Variants in SERPINE2 observed in about 807,000 individuals in gnomAD.
The protein encoded by SERPINE2 is glia-derived nexin.
A neutral mutation model predicts 36.3 loss-of-function variants in SERPINE2; 14 were observed. That is an observed-to-expected ratio of 0.39 (90% CI 0.25 to 0.60). The LOEUF (loss-of-function observed/expected upper bound fraction) is 0.60, where lower values mean the gene tolerates loss of function less well. Among genes scored for constraint, SERPINE2 ranks in the 20% least tolerant of loss-of-function variants. SERPINE2 has a pLI of 0.57. For synonymous variants in SERPINE2, 192 were observed against 191.8 expected (o/e 1.00, Z -0.01); for missense variants, 418 against 499.6 (o/e 0.84, Z 1.56).
intron 2 of SERPINE2, among the ~76,000 whole-genome samples, chr2:223,998,973 C>T (rs1691001172): frequency 6.6e-6 from 1 of 152,208 alleles, no homozygotes; most frequent in African/African-American, 2.4e-5. Flanking sequence ...TGGCACAGTC[C>T]TCAGTTCTAT....
chr2:224,007,234 T>TTC (rs1221771936), intron 1 of SERPINE2, among the ~76,000 whole-genome samples: 5 of 152,206 alleles, frequency 3.3e-5, no homozygotes, highest in Admixed American at 6.5e-5. Context: ...CTGGGTCCAT[T>TTC]CATAGCTGGA....
chr2:224,020,005 TG>T (rs1234632271), intron 1 of SERPINE2, among the ~76,000 whole-genome samples: 1 of 152,198 alleles, frequency 6.6e-6, no homozygotes, highest in Admixed American at 6.5e-5. Flanking sequence ...CACCCCTGGT[TG>T]GCAACCACTA....
rs1449118997 is a variant in SERPINE2 at position 223,993,002 on chromosome 2, G to A, written c.488-1002C>T. Reference sequence around the variant, plus strand: ...CAGCTGGGTATGGTGGCATGCACCTGTAATCCCAGCTACTTGGGAGGCTGA... The same window carrying A: ...CAGCTGGGTATGGTGGCATGCACCTATAATCCCAGCTACTTGGGAGGCTGA... On this transcript the variant is annotated intron_variant, in intron 3 of 8. Coordinates refer to ENST00000409304, the MANE Select transcript of SERPINE2 (RefSeq NM_001136528.2). Among the ~76,000 whole-genome samples the A allele has an allele frequency of 4.6e-5, 7 of 152,252 alleles. No individual in the cohort carries two copies. In the South Asian group the frequency reaches 6.2e-4, roughly 14 times the overall value.
intron 4 of SERPINE2, among the ~76,000 whole-genome samples, chr2:223,988,207 T>C (rs1690515684): frequency 6.6e-6 from 1 of 152,146 alleles, no homozygotes; most frequent in Non-Finnish European, 1.5e-5. Flanking sequence ...TCTTGCTCTG[T>C]TCCCCAGGCT....
Position 223,996,920 on chromosome 2 carries a change from T to TA in SERPINE2, c.487+1194dup, listed in dbSNP as rs375742572. 2.1e-4 allele frequency among the ~76,000 whole-genome samples: 32 copies of TA among 151,952 alleles called. 1 individual carries two copies. Among genetic ancestry groups the TA allele is most frequent in the African/African-American group, 6.3e-4 (26 of 41,446 alleles). On this transcript the variant is annotated intron_variant, in intron 3 of 8. Transcript: ENST00000409304. The stretch of plus-strand genomic sequence containing the variant: ...AGTGAGACCCCACCTCTTCAAAAAA[T>TA]AAAAAAATTAGCCAGGCATGGTGGC...
chr2:223,986,839 G>T (rs945777538), intron 4 of SERPINE2, among the ~76,000 whole-genome samples: 4 of 152,132 alleles, frequency 2.6e-5, no homozygotes, highest in Non-Finnish European at 4.4e-5. Flanking sequence ...ACCTCTGCTT[G>T]ATGACTGATT....
chr2:223,976,475 T>C (rs1333190262), intron 8 of SERPINE2, among the ~76,000 whole-genome samples: 2 of 152,198 alleles, frequency 1.3e-5, no homozygotes, highest in Non-Finnish European at 2.9e-5. Flanking sequence ...TTAAAGTTAA[T>C]GTTAAATAGC....
chr2:224,038,612 T>C, intron 1 of SERPINE2: 5 of 973,028 alleles, frequency 5.1e-6, no homozygotes, highest in Non-Finnish European at 8.1e-6. Context: ...ACACCGCGCG[T>C]CACCTCCCTC....
chr2:223,993,459 T>G (rs1690752653), intron 3 of SERPINE2, among the ~76,000 whole-genome samples: 1 of 152,204 alleles, frequency 6.6e-6, no homozygotes, highest in Non-Finnish European at 1.5e-5. Flanking sequence ...TATGTATGTG[T>G]GTTTTTAAAT....
chr2:223,987,890 T>C (rs1474014826), intron 4 of SERPINE2, among the ~76,000 whole-genome samples: 2 of 152,214 alleles, frequency 1.3e-5, no homozygotes, highest in African/African-American at 2.4e-5. Context: ...CCTTTATAGA[T>C]GAAAGTCCCT....
At chr2:224,038,516 T>C (rs1264962818) in intron 1 of SERPINE2, 7 of 1,551,344 alleles carry the variant, frequency 4.5e-6, no homozygotes, top group Admixed American at 2.0e-5. Flanking sequence ...GCCTCGCAAC[T>C]CCCGTTTCTA....
chr2:224,020,325 G>T (rs1691954522), intron 1 of SERPINE2, among the ~76,000 whole-genome samples: 1 of 152,186 alleles, frequency 6.6e-6, no homozygotes, highest in Admixed American at 6.5e-5. Context: ...AGAGTTGGGG[G>T]ATAGATGGGT....
chr2:224,012,283 A>T (rs955571956), intron 1 of SERPINE2, among the ~76,000 whole-genome samples: 1 of 152,174 alleles, frequency 6.6e-6, no homozygotes, highest in Non-Finnish European at 1.5e-5. Context: ...ATAACCTAAA[A>T]TGTCCAACAA....
At chr2:224,001,169 C>A (rs1340023143) in intron 2 of SERPINE2, among the ~76,000 whole-genome samples, 1 of 152,052 alleles carries the variant, frequency 6.6e-6, no homozygotes, top group South Asian at 2.1e-4. Flanking sequence ...GGGGTCTGTG[C>A]AACTTTATCA....
intron 3 of SERPINE2, among the ~76,000 whole-genome samples, chr2:223,994,750 G>A (rs933042605): frequency 6.6e-6 from 1 of 152,188 alleles, no homozygotes. Context: ...TATAAAAATA[G>A]CTCACACTGG....
At chr2:224,014,211 C>T (rs1435383627) in intron 1 of SERPINE2, among the ~76,000 whole-genome samples, 1 of 151,982 alleles carries the variant, frequency 6.6e-6, no homozygotes, top group Non-Finnish European at 1.5e-5. Flanking sequence ...CCCATCTCTA[C>T]TAAAAATACA....
chr2:223,996,719 CGA>C (rs1690903360), intron 3 of SERPINE2, among the ~76,000 whole-genome samples: 1 of 152,164 alleles, frequency 6.6e-6, no homozygotes, highest in East Asian at 1.9e-4. Context: ...GCCTGAAAGG[CGA>C]CAGTTTCCCT....
chr2:224,025,900 C>G (rs547089695), intron 1 of SERPINE2, among the ~76,000 whole-genome samples: 4 of 152,210 alleles, frequency 2.6e-5, no homozygotes, highest in Admixed American at 6.5e-5. Flanking sequence ...AATAAAATTT[C>G]AAATGACAGA....
intron 7 of SERPINE2, 107 bp from the exon 8 acceptor site, chr2:223,977,734 G>A (rs1690066456): frequency 2.7e-6 from 2 of 749,966 alleles, no homozygotes; most frequent in East Asian, 5.2e-5. Flanking sequence ...GGTGTCTGAA[G>A]ACACACTTCA....
Sources: gnomAD v4.1 joint callset for allele counts (sites outside exome capture counted in the v4.1 genomes callset) on GRCh38, gnomAD v4.1.1 for gene constraint, MANE v1.5 for transcripts, NCBI Gene and HGNC (gene_info 2026-07-23, HGNC 2026-07-21) for gene names.